The following TADA2A variants were observed in gnomAD, a reference collection of about 807,000 sequenced individuals.
TADA2A encodes transcriptional adaptor 2A, also known as transcriptional adapter 2-alpha.
Under a neutral mutation model 67.4 loss-of-function variants are expected in TADA2A, and 38 were observed. The observed-to-expected ratio is 0.56, with a 90% CI of 0.44 to 0.74. The LOEUF (loss-of-function observed/expected upper bound fraction) is 0.74. Among genes scored for constraint, TADA2A ranks in the 30% least tolerant of loss-of-function variants. The pLI is 0.00. For missense variants in TADA2A, 454 were observed against 547.0 expected, an observed-to-expected ratio of 0.83 and a Z score of 1.70; for synonymous variants, 192 against 181.6, an observed-to-expected ratio of 1.06 and a Z score of -0.46.
chr17:37,424,553 TTTG>T (rs1405403525), intron 3 of TADA2A, among the ~76,000 whole-genome samples: 7 of 151,850 alleles, frequency 4.6e-5, no homozygotes, highest in Non-Finnish European at 7.4e-5. Flanking sequence ...CACTGTTTTT[TTTG>T]TTGTTGTTGT....
intron 4 of TADA2A, among the ~76,000 whole-genome samples, chr17:37,433,989 A>G (rs1289259853): frequency 6.6e-6 from 1 of 152,048 alleles, no homozygotes; most frequent in African/African-American, 2.4e-5. Context: ...AGAAATGAAC[A>G]TTACTACAAT....
chr17:37,462,244 T>G, intron 10 of TADA2A, 123 bp downstream of exon 10: 1 of 628,432 alleles, frequency 1.6e-6, no homozygotes, highest in Admixed American at 3.4e-5. Context: ...CACTCCAGAC[T>G]AATGAAGTAA....
chr17:37,477,022 TGTG>T lies in TADA2A; in HGVS notation c.*45_*47del. 6.3e-7 allele frequency: 1 copy of T among 1,575,960 alleles called. No homozygotes were observed. Among genetic ancestry groups the T allele is most frequent in the Middle Eastern group, 1.7e-4 (1 of 5,874 alleles). ...GGGATCAGAAGTCAGAAGTTTGGAATGTGGTGGGTCAAAGGACAATATGGGTGG... is the reference window on the plus strand; with the variant it reads ...GGGATCAGAAGTCAGAAGTTTGGAATGTGGGTCAAAGGACAATATGGGTGG... On this transcript the variant is annotated 3_prime_UTR_variant, in exon 16 of 16. Coordinates refer to ENST00000615182, the MANE Select transcript of TADA2A (RefSeq NM_001166105.3).
At chr17:37,434,844 C>T (rs542477012) in intron 4 of TADA2A, among the ~76,000 whole-genome samples, 1 of 152,260 alleles carries the variant, frequency 6.6e-6, no homozygotes, top group East Asian at 1.9e-4. Context: ...TGTTTCAGTC[C>T]TTTGTGGTTA....
intron 9 of TADA2A, among the ~76,000 whole-genome samples, chr17:37,459,089 C>T (rs2053479624): frequency 1.3e-5 from 2 of 152,094 alleles, no homozygotes; most frequent in African/African-American, 4.8e-5. Flanking sequence ...TTTTCCTTCT[C>T]TCAATTGAGG....
At chr17:37,412,233 A>G (rs1439632708) in intron 2 of TADA2A, among the ~76,000 whole-genome samples, 1 of 151,534 alleles carries the variant, frequency 6.6e-6, no homozygotes, top group Non-Finnish European at 1.5e-5. Context: ...AAAAAAAAAA[A>G]AGAAAATGAG....
intron 8 of TADA2A, among the ~76,000 whole-genome samples, chr17:37,446,688 T>C (rs1451224315): frequency 6.6e-6 from 1 of 152,152 alleles, no homozygotes; most frequent in Non-Finnish European, 1.5e-5. Flanking sequence ...CCTATATATT[T>C]ATTTTTTACA....
intron 12 of TADA2A, among the ~76,000 whole-genome samples, chr17:37,469,788 T>G (rs1200817303): frequency 6.6e-6 from 1 of 152,194 alleles, no homozygotes; most frequent in Admixed American, 6.5e-5. Context: ...GAACCTAGTT[T>G]GAATTTTGAA....
chr17:37,446,984 T>G (rs2053100707), intron 8 of TADA2A, among the ~76,000 whole-genome samples: 1 of 152,180 alleles, frequency 6.6e-6, no homozygotes, highest in Non-Finnish European at 1.5e-5. Flanking sequence ...CATAACATAC[T>G]TTAGGTATTT....
chr17:37,431,058 T>G (rs1380344301), intron 4 of TADA2A, among the ~76,000 whole-genome samples: 1 of 151,982 alleles, frequency 6.6e-6, no homozygotes, highest in African/African-American at 2.4e-5. Context: ...ACTTTTTTTT[T>G]GTCATTAACA....
chr17:37,468,086 A>C (rs970644993), intron 12 of TADA2A, among the ~76,000 whole-genome samples: 5 of 152,126 alleles, frequency 3.3e-5, no homozygotes, highest in African/African-American at 1.2e-4. Flanking sequence ...TGTTTCAAAA[A>C]AAAAAAAAAG....
intron 2 of TADA2A, among the ~76,000 whole-genome samples, chr17:37,413,268 A>C (rs971949449): frequency 1.3e-5 from 2 of 152,254 alleles, no homozygotes; most frequent in South Asian, 2.1e-4. Context: ...TTACTTTTTG[A>C]TCACACTCCT....
At chr17:37,468,203 A>T (rs1347407224) in intron 12 of TADA2A, among the ~76,000 whole-genome samples, 1 of 152,200 alleles carries the variant, frequency 6.6e-6, no homozygotes, top group African/African-American at 2.4e-5. Context: ...CTTGCATCCC[A>T]GTTACTTGGG....
chr17:37,423,411 C>T (rs186964465), intron 2 of TADA2A, 98 bp from the exon 3 acceptor site: 1 of 910,684 alleles, frequency 1.1e-6, no homozygotes, highest in African/African-American at 1.7e-5. Flanking sequence ...TTCAGCTTAG[C>T]TCACTACTTG....
rs142022084 is a variant in TADA2A, at chr17:37,447,444, C to T, written c.604+2676C>T. On this transcript the variant is annotated intron_variant, in intron 8 of 15. Coordinates refer to ENST00000615182, the MANE Select transcript of TADA2A (RefSeq NM_001166105.3). ...TGCTGGGATTACAGGGGTTAGCCACCGCGTCCGGCCCTAAATGAATGCTTT... is the reference window on the plus strand; with the variant it reads ...TGCTGGGATTACAGGGGTTAGCCACTGCGTCCGGCCCTAAATGAATGCTTT... Among the ~76,000 whole-genome samples, 371 of 152,166 alleles carry T rather than the reference C, an allele frequency of 2.4e-3. 7 individuals are homozygous for T. In the South Asian group the frequency reaches 0.04, roughly 16 times the overall value.
At chr17:37,414,242 C>G (rs1425608301) in intron 2 of TADA2A, among the ~76,000 whole-genome samples, 1 of 151,892 alleles carries the variant, frequency 6.6e-6, no homozygotes, top group African/African-American at 2.4e-5. Flanking sequence ...CCTATTTTTT[C>G]AAGGATTTAC....
intron 2 of TADA2A, 40 bp downstream of exon 2, chr17:37,411,430 ATT>A: frequency 1.4e-6 from 2 of 1,461,364 alleles, no homozygotes; most frequent in Non-Finnish European, 1.9e-6. Flanking sequence ...ACTTATTATT[ATT>A]TTTTTTTTGA....
At chr17:37,433,691 G>T (rs1367318285) in intron 4 of TADA2A, among the ~76,000 whole-genome samples, 3 of 151,778 alleles carry the variant, frequency 2.0e-5, no homozygotes, top group Non-Finnish European at 4.4e-5. Context: ...GGTTCCTCAT[G>T]CCTGTAATCC....
chr17:37,418,732 G>C (rs1387663552), intron 2 of TADA2A, among the ~76,000 whole-genome samples: 2 of 151,638 alleles, frequency 1.3e-5, no homozygotes, highest in Non-Finnish European at 2.9e-5. Context: ...GCTGGGATTA[G>C]GCGCCCACCA....
Sources: allele counts gnomAD v4.1 joint callset (sites outside exome capture counted in the v4.1 genomes callset), GRCh38; gene constraint gnomAD v4.1.1; transcripts MANE v1.5; gene names NCBI Gene and HGNC (gene_info 2026-07-23, HGNC 2026-07-21).